Variants in FBXO15 observed in about 807,000 individuals in gnomAD.
The protein encoded by FBXO15 is F-box protein 15.
A neutral mutation model predicts 49.5 loss-of-function variants in FBXO15; 30 were observed. The ratio of observed to expected loss-of-function variants is 0.61; its 90% CI spans 0.45 to 0.82. FBXO15 has a LOEUF of 0.82. Among genes scored for constraint, FBXO15 ranks in the 40% least tolerant of loss-of-function variants. The pLI is 0.00. For synonymous variants in FBXO15, 250 were observed against 232.7 expected (o/e 1.07, Z -0.68); for missense variants, 591 against 631.5 (o/e 0.94, Z 0.69).
chr18:74,079,100 C>A (rs72970791), intron 9 of FBXO15, among the ~76,000 whole-genome samples: 11,434 of 152,178 alleles, frequency 0.075, 581 homozygotes, highest in South Asian at 0.1. Context: ...AAAATTGATG[C>A]CAATCTCCAT....
At chr18:74,144,775 C>A (rs150045422) in intron 1 of FBXO15, among the ~76,000 whole-genome samples, 173 of 152,176 alleles carry the variant, frequency 1.1e-3, no homozygotes, top group African/African-American at 3.8e-3. Context: ...TGTTCCCCAC[C>A]CACTACAACT....
intron 3 of FBXO15, among the ~76,000 whole-genome samples, chr18:74,135,256 C>T (rs967163661): frequency 4.6e-5 from 7 of 152,200 alleles, no homozygotes; most frequent in Non-Finnish European, 1.0e-4. Context: ...CTTGGCCTCT[C>T]TCTATCCATT....
At chr18:74,126,672 T>C (rs1469688215) in intron 5 of FBXO15, among the ~76,000 whole-genome samples, 2 of 152,210 alleles carry the variant, frequency 1.3e-5, no homozygotes, top group East Asian at 3.9e-4. Flanking sequence ...AGCATTAGAC[T>C]GAAATCCCTG....
At chr18:74,098,094 A>T (rs2145139297) in intron 8 of FBXO15, 2 of 152,308 alleles carry the variant, frequency 1.3e-5, no homozygotes, top group South Asian at 4.1e-4. Context: ...TCAAGAGAAC[A>T]CCCCATGGGA....
intron 5 of FBXO15, among the ~76,000 whole-genome samples, chr18:74,128,692 AATG>A (rs1411084820): frequency 2.0e-5 from 3 of 152,226 alleles, no homozygotes; most frequent in South Asian, 2.1e-4. Flanking sequence ...GGAAGCAATC[AATG>A]ATGAAAAAGA....
At chr18:74,084,210 G>A (rs1035524845) in intron 8 of FBXO15, among the ~76,000 whole-genome samples, 5 of 152,226 alleles carry the variant, frequency 3.3e-5, no homozygotes, top group African/African-American at 1.2e-4. Context: ...TAGCAAGCAG[G>A]ATACACTGGG....
chr18:74,114,751 T>G (rs77331737), intron 8 of FBXO15, among the ~76,000 whole-genome samples: 1 of 152,196 alleles, frequency 6.6e-6, no homozygotes, highest in Non-Finnish European at 1.5e-5. Context: ...CTAGGGATCA[T>G]ACATTTTTCT....
chr18:74,126,108 A>T lies in FBXO15; in HGVS notation c.786-7T>A, dbSNP rs773403372. On this transcript the variant is annotated splice_region_variant and splice_polypyrimidine_tract_variant and intron_variant, in intron 5 of 9. Transcript: ENST00000419743. ...TAAAGAATGCCATCGGAGTCTTTGA[A>T]CGTTATGCCAAGGAAAGGAGAGAGA... 2.9e-5 allele frequency: 46 copies of T among 1,613,140 alleles called. No homozygotes were observed. Among genetic ancestry groups the T allele is most frequent in the Non-Finnish European group, 3.6e-5 (43 of 1,179,484 alleles).
rs1341483442 is a variant in FBXO15 at position 74,074,006 on chromosome 18, T to C, written c.1264-276A>G. 1.3e-5 allele frequency among the ~76,000 whole-genome samples: 2 copies of C among 152,246 alleles called. No individual in the cohort carries two copies. The highest frequency in any genetic ancestry group is 3.9e-4 in the East Asian group (2 of 5,164). ...GGAGCTCAGAGAAATGTGTCACAAA[T>C]ATTGTCCCTCTCCTCATGGAAGTTA... On this transcript the variant is annotated intron_variant, in intron 9 of 9. Coordinates refer to ENST00000419743, the MANE Select transcript of FBXO15 (RefSeq NM_001142958.2). This position sits in a 1 kb window ranked among gnomAD's most constrained non-coding sequence, Gnocchi z 4.7.
At chr18:74,091,251 T>G (rs1210076894) in intron 8 of FBXO15, among the ~76,000 whole-genome samples, 1 of 152,170 alleles carries the variant, frequency 6.6e-6, no homozygotes. Flanking sequence ...CTTGGTAGAT[T>G]TTTCTCATTC....
chr18:74,130,671 G>A lies in FBXO15; in HGVS notation c.333-13C>T. 1.2e-6 allele frequency: 2 copies of A among 1,606,726 alleles called. No individual in the cohort carries two copies. Among genetic ancestry groups the A allele is most frequent in the Non-Finnish European group, 1.7e-6 (2 of 1,175,630 alleles). ...GATCCAAATAAAACTGGAGGGAAAA[G>A]AGGAAATATGTTAACTAAGAGACAC... On this transcript the variant is annotated splice_polypyrimidine_tract_variant and intron_variant, in intron 3 of 9. Transcript: ENST00000419743.
intron 8 of FBXO15, among the ~76,000 whole-genome samples, chr18:74,085,898 G>C (rs1249605368): frequency 6.6e-6 from 1 of 151,990 alleles, no homozygotes; most frequent in African/African-American, 2.4e-5. Flanking sequence ...TTTTAAAACA[G>C]GAAAAAACAA....
intron 8 of FBXO15, among the ~76,000 whole-genome samples, chr18:74,100,627 G>C (rs1219978076): frequency 6.6e-6 from 1 of 151,900 alleles, no homozygotes; most frequent in Admixed American, 6.6e-5. Flanking sequence ...ACAAAATGGT[G>C]GTTCTTTGAA....
rs117731693 is a variant in FBXO15, at chr18:74,116,081, T to C, written c.1138+7287A>G. 7.8e-3 allele frequency among the ~76,000 whole-genome samples: 1,195 copies of C among 152,334 alleles called. 8 individuals are homozygous for C. The highest frequency in any genetic ancestry group is 0.031 in the Middle Eastern group (9 of 294). Reference sequence around the variant, plus strand: ...TGTGTCATTTCACAATACAAAGATGTTTAATTACCAAAAAAAAGGAAAAGC... The same window carrying C: ...TGTGTCATTTCACAATACAAAGATGCTTAATTACCAAAAAAAAGGAAAAGC... On this transcript the variant is annotated intron_variant, in intron 8 of 9. Transcript: ENST00000419743.
intron 8 of FBXO15, among the ~76,000 whole-genome samples, chr18:74,104,261 G>A (rs1913649404): frequency 1.3e-5 from 2 of 151,732 alleles, no homozygotes; most frequent in Non-Finnish European, 2.9e-5. Context: ...TAAGCCTCAT[G>A]GTACAAGAAT....
chr18:74,101,975 C>T (rs1913542080), intron 8 of FBXO15, among the ~76,000 whole-genome samples: 1 of 152,010 alleles, frequency 6.6e-6, no homozygotes, highest in African/African-American at 2.4e-5. Context: ...CAAGATGAAT[C>T]AAAGACTTAA....
chr18:74,121,937 C>T (rs768420084), intron 8 of FBXO15, among the ~76,000 whole-genome samples: 4 of 152,154 alleles, frequency 2.6e-5, no homozygotes, highest in Non-Finnish European at 4.4e-5. Flanking sequence ...AATAATAAAA[C>T]GCCCTCCACT....
intron 1 of FBXO15, among the ~76,000 whole-genome samples, chr18:74,141,675 T>C (rs752005880): frequency 6.6e-6 from 1 of 152,162 alleles, no homozygotes; most frequent in African/African-American, 2.4e-5. Context: ...CACACACAAC[T>C]GGTCTTAACA....
chr18:74,090,870 C>T (rs1056838957), intron 8 of FBXO15, among the ~76,000 whole-genome samples: 2 of 152,054 alleles, frequency 1.3e-5, no homozygotes, highest in Non-Finnish European at 2.9e-5. Flanking sequence ...ATGAGAAGAG[C>T]GTATATTCTG....
Sources: gnomAD v4.1 joint callset for allele counts (sites outside exome capture counted in the v4.1 genomes callset) on GRCh38, gnomAD v4.1.1 for gene constraint, Gnocchi (gnomAD v3.1) non-coding constraint, MANE v1.5 for transcripts, NCBI Gene and HGNC (gene_info 2026-07-23, HGNC 2026-07-21) for gene names.